NAALADL2: variants seen among roughly 807,000 people sequenced by gnomAD.
NAALADL2 encodes the protein inactive N-acetylated-alpha-linked acidic dipeptidase-like protein 2.
In NAALADL2, 76 loss-of-function variants were observed where a neutral mutation model predicts 87.2. The ratio of observed to expected loss-of-function variants is 0.87; its 90% CI spans 0.72 to 1.05. NAALADL2 has a LOEUF of 1.05. NAALADL2 is among the 50% of genes least tolerant of loss of function. The pLI, the probability that NAALADL2 is intolerant of heterozygous loss-of-function variation, is 0.00. For missense variants in NAALADL2, 1,089 were observed against 945.8 expected, an observed-to-expected ratio of 1.15 and a Z score of -1.99; for synonymous variants, 354 against 331.0, an observed-to-expected ratio of 1.07 and a Z score of -0.75.
intron 4 of NAALADL2, among the ~76,000 whole-genome samples, chr3:175,313,693 C>T (rs1758675556): frequency 1.3e-5 from 2 of 152,106 alleles, no homozygotes; most frequent in East Asian, 1.9e-4. Flanking sequence ...ATAACAGCAT[C>T]CTCCTTCCGA....
intron 3 of NAALADL2, among the ~76,000 whole-genome samples, chr3:174,787,076 A>G (rs1462514341): frequency 3.3e-5 from 5 of 151,946 alleles, no homozygotes; most frequent in Non-Finnish European, 2.9e-5. Context: ...GCAATATAAT[A>G]AAACCAAAGC....
At chr3:175,486,404 A>C (rs1463087377) in intron 9 of NAALADL2, among the ~76,000 whole-genome samples, 1 of 152,048 alleles carries the variant, frequency 6.6e-6, no homozygotes, top group Non-Finnish European at 1.5e-5. Flanking sequence ...CCCTTCACTG[A>C]AGCTCGTCTC....
At chr3:175,746,084 C>G (rs1490810745) in intron 12 of NAALADL2, among the ~76,000 whole-genome samples, 2 of 152,120 alleles carry the variant, frequency 1.3e-5, no homozygotes, top group Non-Finnish European at 2.9e-5. Flanking sequence ...CTGATTATCT[C>G]ACTAAATGTA....
intron 2 of NAALADL2, among the ~76,000 whole-genome samples, chr3:174,657,438 T>C (rs1295717295): frequency 1.3e-5 from 2 of 152,078 alleles, no homozygotes; most frequent in Non-Finnish European, 2.9e-5. Flanking sequence ...ACTACAGGCA[T>C]GAGCGACCCT....
At position 175,534,887 on chromosome 3, in the gene NAALADL2, T is replaced by C. The variant is rs554873745; in HGVS notation, c.1654-41154T>C. On this transcript the variant is annotated intron_variant, in intron 9 of 13. Coordinates refer to ENST00000454872, the MANE Select transcript of NAALADL2 (RefSeq NM_207015.3). The stretch of plus-strand genomic sequence containing the variant: ...TTGCAGTAGTTCTTGCCTTTCTTTC[T>C]TTGTTCACACTGTTTAAAAAAAAAA... Among the ~76,000 whole-genome samples the C allele has an allele frequency of 1.1e-4, 16 of 152,132 alleles. No homozygotes were observed. In the East Asian group the frequency reaches 3.1e-3, roughly 30 times the overall value.
chr3:175,628,635 ATGAAT>A, intron 11 of NAALADL2, among the ~76,000 whole-genome samples: 1 of 146,276 alleles, frequency 6.8e-6, no homozygotes, highest in African/African-American at 2.5e-5. Context: ...ATATATATAT[ATGAAT>A]TATTTATATT....
intron 2 of NAALADL2, among the ~76,000 whole-genome samples, chr3:175,199,835 TA>T (rs1739581055): frequency 1.8e-4 from 2 of 11,252 alleles, no homozygotes; most frequent in African/African-American, 3.8e-4. Context: ...TATATATATA[TA>T]TATATATATA....
At chr3:175,027,071 TG>T (rs1372982808) in intron 1 of NAALADL2, among the ~76,000 whole-genome samples, 1 of 152,094 alleles carries the variant, frequency 6.6e-6, no homozygotes, top group Non-Finnish European at 1.5e-5. Flanking sequence ...GGGTTGGATT[TG>T]TATAGTCTTT....
At chr3:175,078,010 T>C (rs189664775) in intron 1 of NAALADL2, among the ~76,000 whole-genome samples, 1 of 151,548 alleles carries the variant, frequency 6.6e-6, no homozygotes, top group Non-Finnish European at 1.5e-5. Flanking sequence ...AGTTCGGTTT[T>C]GTTTTGTTCT....
chr3:175,473,971 G>T lies in NAALADL2; in HGVS notation c.1653+2213G>T, dbSNP rs1019411460. On this transcript the variant is annotated intron_variant, in intron 9 of 13. Transcript: ENST00000454872. ...GTAGATTTACTGTTAGTTCTTTGAG[G>T]AATCTCCATACTGTTTTCCCTAGAG... Among the ~76,000 whole-genome samples the T allele has an allele frequency of 3.3e-5, 5 of 152,240 alleles. No individual in the cohort carries two copies. The East Asian group carries it at 5.8e-4, about 18-fold the overall frequency.
At chr3:175,473,796 G>T (rs1056612541) in intron 9 of NAALADL2, among the ~76,000 whole-genome samples, 1 of 151,862 alleles carries the variant, frequency 6.6e-6, no homozygotes, top group Non-Finnish European at 1.5e-5. Context: ...AAATAAAAAA[G>T]AACTAAAATG....
intron 2 of NAALADL2, among the ~76,000 whole-genome samples, chr3:175,223,474 A>G (rs950176812): frequency 3.3e-5 from 5 of 151,592 alleles, no homozygotes; most frequent in Non-Finnish European, 5.9e-5. Context: ...CTTTATTTTG[A>G]TGGCTGAATG....
intron 4 of NAALADL2, among the ~76,000 whole-genome samples, chr3:175,268,825 G>T (rs1328338688): frequency 6.6e-6 from 1 of 152,078 alleles, no homozygotes; most frequent in Non-Finnish European, 1.5e-5. Flanking sequence ...TGTCCCACTG[G>T]AAGTTTTTCA....
intron 2 of NAALADL2, among the ~76,000 whole-genome samples, chr3:174,618,022 T>C (rs527991884): frequency 6.6e-6 from 1 of 151,870 alleles, no homozygotes; most frequent in African/African-American, 2.4e-5. Context: ...GAAATTCTTT[T>C]AGATATGAAG....
rs143820283 is a variant in NAALADL2 at position 175,464,873 on chromosome 3, G to T, written c.1327+1380G>T. ...AATTTCAACAAATTTCCATCATAAG[G>T]TTCTCAATTGAAGCACTAGAATATT... On this transcript the variant is annotated intron_variant, in intron 7 of 13. Transcript: ENST00000454872. 9.4e-3 allele frequency among the ~76,000 whole-genome samples: 1,436 copies of T among 152,120 alleles called. 24 individuals are homozygous for T. Among genetic ancestry groups the T allele is most frequent in the African/African-American group, 0.033 (1,381 of 41,486 alleles).
rs192829344 is a variant in NAALADL2, at chr3:174,667,844, A to G, written c.-114-69797A>G. Among the ~76,000 whole-genome samples the G allele has an allele frequency of 9.7e-4, 147 of 152,218 alleles. 1 individual carries two copies. In the Middle Eastern group the frequency reaches 0.01, roughly 11 times the overall value. ...ATTGGAAAAAAGAAGAGAAAATAAC[A>G]ATGTTTTCTTTTTTAAAAAATAGTA... On this transcript the variant is annotated intron_variant, in intron 2 of 3. Coordinates refer to the NAALADL2 transcript ENST00000434257.
chr3:175,544,474 T>C (rs1712945680), intron 9 of NAALADL2, among the ~76,000 whole-genome samples: 1 of 152,188 alleles, frequency 6.6e-6, no homozygotes, highest in Admixed American at 6.5e-5. Flanking sequence ...TTCTCAAAAG[T>C]AACTTCCATA....
At chr3:175,250,477 G>C (rs1263190060) in intron 3 of NAALADL2, among the ~76,000 whole-genome samples, 1 of 152,126 alleles carries the variant, frequency 6.6e-6, no homozygotes, top group Admixed American at 6.6e-5. Flanking sequence ...AATTCTCAGA[G>C]ATTCTGGTTT....
At chr3:174,498,224 A>G (rs914828686) in intron 1 of NAALADL2, among the ~76,000 whole-genome samples, 6 of 151,994 alleles carry the variant, frequency 3.9e-5, no homozygotes, top group African/African-American at 7.2e-5. Context: ...CTAGGCAACC[A>G]GTGATCTGCT....
Sources: gnomAD v4.1 joint callset for allele counts (sites outside exome capture counted in the v4.1 genomes callset) on GRCh38, gnomAD v4.1.1 for gene constraint, MANE v1.5 for transcripts, NCBI Gene and HGNC (gene_info 2026-07-23, HGNC 2026-07-21) for gene names.